Variants in CPNE4 observed in about 807,000 individuals in gnomAD.
CPNE4 encodes copine 4, also known as copine-4.
A neutral mutation model predicts 67.9 loss-of-function variants in CPNE4; 25 were observed. That is an observed-to-expected ratio of 0.37 (90% CI 0.27 to 0.51). The LOEUF is 0.51. Ranked by LOEUF, CPNE4 falls within the 20% of genes least tolerant of loss-of-function variation. The pLI, the probability that CPNE4 is intolerant of heterozygous loss-of-function variation, is 0.93. For synonymous variants in CPNE4, 242 were observed against 244.9 expected (o/e 0.99, Z 0.11); for missense variants, 464 against 690.8 (o/e 0.67, Z 3.68).
intron 13 of CPNE4, among the ~76,000 whole-genome samples, chr3:131,551,802 G>GA (rs902738384): frequency 5.7e-4 from 86 of 152,022 alleles, no homozygotes; most frequent in African/African-American, 1.9e-3. Context: ...TTAGAAAACA[G>GA]AAAAAATCAT....
At chr3:131,961,720 G>C (rs940590640) in intron 1 of CPNE4, among the ~76,000 whole-genome samples, 8 of 152,100 alleles carry the variant, frequency 5.3e-5, no homozygotes, top group Non-Finnish European at 7.3e-5. Context: ...GGATTGAAGG[G>C]GGCTCATGGT....
intron 11 of CPNE4, among the ~76,000 whole-genome samples, chr3:131,556,456 G>T (rs944818881): frequency 1.3e-5 from 2 of 152,012 alleles, no homozygotes; most frequent in African/African-American, 2.4e-5. Context: ...GACTCATTGT[G>T]CCCACCACCT....
At chr3:131,574,736 T>C (rs1431748085) in intron 10 of CPNE4, among the ~76,000 whole-genome samples, 1 of 152,124 alleles carries the variant, frequency 6.6e-6, no homozygotes, top group Non-Finnish European at 1.5e-5. Context: ...TTCCTTTCAA[T>C]TTTTCTCACC....
At position 132,030,068 on chromosome 3, in the gene CPNE4, A is replaced by G. The variant is rs369615299; in HGVS notation, c.-2+4499T>C. Among the ~76,000 whole-genome samples, 9 of 151,354 alleles carry G rather than the reference A, an allele frequency of 5.9e-5. No homozygotes were observed. The East Asian group carries it at 6.0e-4, about 10-fold the overall frequency. ...ACTGGCTCCAAGAGACAGCAATGTAATAAGTCCCAAGCCTACTCCTCCTAA... is the reference window on the plus strand; with the variant it reads ...ACTGGCTCCAAGAGACAGCAATGTAGTAAGTCCCAAGCCTACTCCTCCTAA... On this transcript the variant is annotated intron_variant, in intron 1 of 15. Transcript: ENST00000429747.
chr3:131,841,537 G>C (rs1281205140), intron 2 of CPNE4, among the ~76,000 whole-genome samples: 5 of 152,154 alleles, frequency 3.3e-5, no homozygotes, highest in Admixed American at 1.3e-4. Context: ...GCACATGTGA[G>C]GGATCTAGGT....
chr3:131,940,175 A>G (rs889907912), intron 1 of CPNE4, among the ~76,000 whole-genome samples: 7 of 152,128 alleles, frequency 4.6e-5, no homozygotes, highest in Admixed American at 4.6e-4. Context: ...TAATTTATAT[A>G]AAAAAAGAAA....
At chr3:131,649,168 A>G (rs529173103) in intron 7 of CPNE4, among the ~76,000 whole-genome samples, 15 of 152,372 alleles carry the variant, frequency 9.8e-5, no homozygotes, top group Admixed American at 2.6e-4. Context: ...GGAAAGTCAT[A>G]TCAAATTGCT....
intron 10 of CPNE4, among the ~76,000 whole-genome samples, chr3:131,573,328 G>A (rs1329834678): frequency 6.6e-6 from 1 of 152,042 alleles, no homozygotes. Context: ...GCTGCAACTG[G>A]GGTGTTGTTG....
chr3:131,724,755 C>A (rs1278680091), intron 2 of CPNE4, among the ~76,000 whole-genome samples: 2 of 152,098 alleles, frequency 1.3e-5, no homozygotes, highest in African/African-American at 4.8e-5. Context: ...GTCTCGGATG[C>A]CTCACTTTCT....
chr3:131,976,698 G>C (rs2072664228), intron 1 of CPNE4, among the ~76,000 whole-genome samples: 1 of 152,062 alleles, frequency 6.6e-6, no homozygotes, highest in Non-Finnish European at 1.5e-5. Flanking sequence ...GAAAGTATTT[G>C]GCAGTTGGCT....
At chr3:131,625,779 C>A (rs2079058299) in intron 7 of CPNE4, among the ~76,000 whole-genome samples, 1 of 152,154 alleles carries the variant, frequency 6.6e-6, no homozygotes, top group Admixed American at 6.5e-5. Flanking sequence ...TCAATGCAGG[C>A]ACACTTTGTT....
chr3:131,717,906 CT>C (rs762185099), intron 3 of CPNE4, among the ~76,000 whole-genome samples: 7 of 136,378 alleles, frequency 5.1e-5, no homozygotes, highest in Admixed American at 1.5e-4. Flanking sequence ...TTCTTTCTTT[CT>C]TTCTTTCTTT....
chr3:131,586,064 A>T (rs987336864), intron 8 of CPNE4, among the ~76,000 whole-genome samples: 1 of 152,222 alleles, frequency 6.6e-6, no homozygotes, highest in Non-Finnish European at 1.5e-5. Context: ...ATTTCCATCC[A>T]GTCTGACTGT....
rs561354508 is a variant in CPNE4, at chr3:131,546,145, G to C, written c.1303-3352C>G. Among the ~76,000 whole-genome samples the C allele has an allele frequency of 1.3e-5, 2 of 152,190 alleles. 1 individual carries two copies. Among genetic ancestry groups the C allele is most frequent in the South Asian group, 4.1e-4 (2 of 4,820 alleles). On this transcript the variant is annotated intron_variant, in intron 14 of 15. Coordinates refer to ENST00000429747, the MANE Select transcript of CPNE4 (RefSeq NM_130808.3). ...TATGAACTTTATCAGCTGCTAAAGG[G>C]GTTTGTGGAACAATAAGTTTAAGAA... is the stretch of plus-strand genomic sequence containing the variant.
chr3:131,922,354 G>A (rs935384646), intron 1 of CPNE4, among the ~76,000 whole-genome samples: 5 of 152,084 alleles, frequency 3.3e-5, no homozygotes, highest in African/African-American at 9.7e-5. Context: ...CCATGCCTTC[G>A]CTATTGTGAA....
chr3:131,895,645 C>T (rs1056508582), intron 2 of CPNE4, among the ~76,000 whole-genome samples: 5 of 151,880 alleles, frequency 3.3e-5, no homozygotes, highest in African/African-American at 9.7e-5. Context: ...AAAGAAAAAC[C>T]TCATCAAGCT....
chr3:131,708,993 T>TATATAC (rs1440194300), intron 3 of CPNE4, among the ~76,000 whole-genome samples: 4 of 104,962 alleles, frequency 3.8e-5, no homozygotes, highest in Non-Finnish European at 8.1e-5. Context: ...TATATATATA[T>TATATAC]ATACATACAC....
rs75288701 is a variant in CPNE4, at chr3:132,006,382, A to C, written c.-2+28185T>G. Among the ~76,000 whole-genome samples the C allele has an allele frequency of 5.8e-3, 886 of 152,208 alleles. 10 individuals are homozygous for C. The highest frequency in any genetic ancestry group is 0.021 in the African/African-American group (852 of 41,552). The stretch of plus-strand genomic sequence containing the variant: ...ATCAAGCATATAACTTGAAAATAGG[A>C]ATCTTTCTTACTCCTCCCCCGCTTG... On this transcript the variant is annotated intron_variant, in intron 1 of 15. Coordinates refer to ENST00000429747, the MANE Select transcript of CPNE4 (RefSeq NM_130808.3).
At chr3:132,006,429 T>C (rs537485016) in intron 1 of CPNE4, among the ~76,000 whole-genome samples, 1 of 152,264 alleles carries the variant, frequency 6.6e-6, no homozygotes, top group African/African-American at 2.4e-5. Flanking sequence ...ATGAACAGCA[T>C]AGAAGAAGCA....
Sources: gnomAD v4.1 joint callset for allele counts (sites outside exome capture counted in the v4.1 genomes callset) on GRCh38, gnomAD v4.1.1 for gene constraint, MANE v1.5 for transcripts, NCBI Gene and HGNC (gene_info 2026-07-23, HGNC 2026-07-21) for gene names.